CYB5B: variants seen among roughly 807,000 people sequenced by gnomAD.
CYB5B encodes cytochrome b5 type B (outer mitochondrial membrane).
CYB5B carries 14 observed loss-of-function variants against 21.3 expected under a neutral mutation model. The observed-to-expected ratio is 0.66, with a 90% CI of 0.43 to 1.03. The LOEUF (loss-of-function observed/expected upper bound fraction) is 1.03. Ranked by LOEUF, CYB5B falls within the 50% of genes least tolerant of loss-of-function variation. The pLI is 0.00. For missense variants in CYB5B, 166 were observed against 185.1 expected (o/e 0.90, Z 0.60); for synonymous variants, 69 against 68.4 (o/e 1.01, Z -0.04).
chr16:69,425,881 T>C (rs1597277582), intron 1 of CYB5B, among the ~76,000 whole-genome samples: 1 of 152,376 alleles, frequency 6.6e-6, no homozygotes, highest in Admixed American at 6.5e-5. Flanking sequence ...AGTTCACTTC[T>C]ATTTCTCTGA....
chr16:69,447,722 C>G (rs2014891962), intron 2 of CYB5B, among the ~76,000 whole-genome samples: 1 of 151,878 alleles, frequency 6.6e-6, no homozygotes, highest in Non-Finnish European at 1.5e-5. Flanking sequence ...ATTGTCTAGT[C>G]TTACTGTGCT....
chr16:69,461,168 G>C (rs866377956), intron 4 of CYB5B, among the ~76,000 whole-genome samples: 1 of 150,590 alleles, frequency 6.6e-6, no homozygotes, highest in Non-Finnish European at 1.5e-5. Flanking sequence ...TCGCGCCACC[G>C]CACTCCGGCC....
chr16:69,458,743 G>T (rs1378872838), intron 3 of CYB5B, among the ~76,000 whole-genome samples: 1 of 152,102 alleles, frequency 6.6e-6, no homozygotes, highest in African/African-American at 2.4e-5. Flanking sequence ...TATTGCCAGT[G>T]GCAAGCCCAG....
intron 3 of CYB5B, among the ~76,000 whole-genome samples, chr16:69,450,800 C>A (rs2014924034): frequency 6.6e-6 from 1 of 152,142 alleles, no homozygotes; most frequent in African/African-American, 2.4e-5. Flanking sequence ...TAAAAAGTAT[C>A]TTCAGCCTAT....
intron 3 of CYB5B, among the ~76,000 whole-genome samples, chr16:69,458,503 T>G (rs753669910): frequency 3.9e-5 from 6 of 152,210 alleles, no homozygotes; most frequent in Admixed American, 6.5e-5. Flanking sequence ...GATTTGTTTT[T>G]TAAGATTATT....
intron 1 of CYB5B, chr16:69,443,517 A>C (rs536528711): frequency 6.4e-6 from 1 of 157,174 alleles, no homozygotes; most frequent in African/African-American, 2.4e-5. Flanking sequence ...TTCAGGGTGG[A>C]TCTAATGTGA....
At chr16:69,429,378 C>G (rs1411710012) in intron 1 of CYB5B, among the ~76,000 whole-genome samples, 1 of 152,166 alleles carries the variant, frequency 6.6e-6, no homozygotes, top group East Asian at 1.9e-4. Context: ...GTCCATTTTA[C>G]AGAGTGCCGA....
In CYB5B at chr16:69,445,592, T is replaced by C. The variant is rs542848214; in HGVS notation, c.175-1558T>C. On this transcript the variant is annotated intron_variant, in intron 1 of 4. Coordinates refer to ENST00000307892, the MANE Select transcript of CYB5B (RefSeq NM_030579.3). The stretch of plus-strand genomic sequence containing the variant: ...CTAATTTAAGTAAATGTTTTTTGAG[T>C]ATTTAAGTCAAGGACTGTGCTAAAT... Among the ~76,000 whole-genome samples the C allele has an allele frequency of 1.2e-3, 188 of 152,332 alleles. 3 individuals carry two copies. In the South Asian group the frequency reaches 0.038, roughly 31 times the overall value.
chr16:69,442,882 G>A (rs948818157), intron 1 of CYB5B, among the ~76,000 whole-genome samples: 4 of 150,428 alleles, frequency 2.7e-5, no homozygotes, highest in Admixed American at 6.7e-5. Flanking sequence ...CAAGTTAGCA[G>A]GTTAAGGACT....
chr16:69,447,004 C>T, intron 1 of CYB5B, 146 bp from the exon 2 acceptor site: 1 of 921,110 alleles, frequency 1.1e-6, no homozygotes, highest in Non-Finnish European at 1.6e-6. Flanking sequence ...TGTGTTCTTC[C>T]CATTGCATCC....
At chr16:69,451,676 G>A (rs560493989) in intron 3 of CYB5B, among the ~76,000 whole-genome samples, 1 of 152,194 alleles carries the variant, frequency 6.6e-6, no homozygotes, top group East Asian at 1.9e-4. Flanking sequence ...AGTTGGCCGG[G>A]GGCGGTGACT....
intron 3 of CYB5B, among the ~76,000 whole-genome samples, chr16:69,457,521 A>G (rs536759014): frequency 1.6e-4 from 25 of 152,320 alleles, no homozygotes; most frequent in African/African-American, 6.0e-4. Flanking sequence ...CTGTAGTGGA[A>G]TATTTATTTT....
chr16:69,460,038 C>T (rs1198093182), intron 4 of CYB5B, among the ~76,000 whole-genome samples: 1 of 152,054 alleles, frequency 6.6e-6, no homozygotes, highest in Non-Finnish European at 1.5e-5. Flanking sequence ...ATCATGAGGT[C>T]AGGAGTTCGA....
At chr16:69,448,260 C>A in intron 3 of CYB5B, 116 bp downstream of exon 3, 4 of 1,239,316 alleles carry the variant, frequency 3.2e-6, no homozygotes, top group Non-Finnish European at 4.6e-6. Context: ...TTTCCCCAAG[C>A]AAAAATCCTA....
intron 3 of CYB5B, among the ~76,000 whole-genome samples, chr16:69,454,850 G>A (rs2014967853): frequency 1.3e-5 from 2 of 152,144 alleles, no homozygotes. Flanking sequence ...AATGTAAGCT[G>A]TATAGGCTGA....
intron 3 of CYB5B, among the ~76,000 whole-genome samples, chr16:69,452,662 C>A (rs1399643180): frequency 6.6e-6 from 1 of 151,564 alleles, no homozygotes; most frequent in African/African-American, 2.4e-5. Context: ...AGAACGAGAC[C>A]CTGTCTCAAA....
At chr16:69,445,826 C>T (rs1190724769) in intron 1 of CYB5B, among the ~76,000 whole-genome samples, 1 of 152,136 alleles carries the variant, frequency 6.6e-6, no homozygotes, top group Non-Finnish European at 1.5e-5. Flanking sequence ...CATGGTGGCG[C>T]ATGCCTGTAA....
chr16:69,461,121 C>A (rs922866428), intron 4 of CYB5B, among the ~76,000 whole-genome samples: 1 of 151,594 alleles, frequency 6.6e-6, no homozygotes, highest in African/African-American at 2.4e-5. Context: ...AGAAGAATGG[C>A]GTGAACCCCA....
intron 4 of CYB5B, 24 bp downstream of exon 4, chr16:69,459,145 C>A: frequency 6.2e-7 from 1 of 1,601,786 alleles, no homozygotes; most frequent in Admixed American, 1.7e-5. Context: ...TAACAGCTTT[C>A]CATACGTTCA....
Sources: gnomAD v4.1 joint callset for allele counts (sites outside exome capture counted in the v4.1 genomes callset) on GRCh38, gnomAD v4.1.1 for gene constraint, MANE v1.5 for transcripts, NCBI Gene and HGNC (gene_info 2026-07-23, HGNC 2026-07-21) for gene names.